CELF2: variants seen among roughly 807,000 people sequenced by gnomAD.
CELF2 encodes the protein CUG triplet repeat RNA-binding protein 2.
In CELF2, 8 loss-of-function variants were observed where a neutral mutation model predicts 62.6. The observed-to-expected ratio is 0.13, with a 90% confidence interval of 0.07 to 0.23. The LOEUF is 0.23. Ranked by LOEUF, CELF2 falls within the 10% of genes least tolerant of loss-of-function variation. The probability of loss-of-function intolerance (pLI) is 1.00; values close to 1 mark genes in which losing one functional copy is unlikely to be tolerated. For missense variants in CELF2, 333 were observed against 671.0 expected, an observed-to-expected ratio of 0.50 and a Z score of 5.56; for synonymous variants, 258 against 250.0, an observed-to-expected ratio of 1.03 and a Z score of -0.30.
At chr10:10,587,946 A>C in the CELF2 span, among the ~76,000 whole-genome samples, 1 of 152,156 alleles carries the variant, frequency 6.6e-6, no homozygotes, top group Non-Finnish European at 1.5e-5. Context: ...TTCCAGCCCA[A>C]GCACATGTTA....
the CELF2 span, among the ~76,000 whole-genome samples, chr10:10,773,389 C>T: frequency 6.6e-6 from 1 of 152,178 alleles, no homozygotes; most frequent in African/African-American, 2.4e-5. Context: ...CCTTTTGCTT[C>T]ATGTTGTGAT....
At chr10:10,536,484 T>C in the CELF2 span, among the ~76,000 whole-genome samples, 52 of 152,364 alleles carry the variant, frequency 3.4e-4, no homozygotes, top group South Asian at 1.2e-3. Flanking sequence ...TTAAGTGAAG[T>C]GTTCCTCACG....
chr10:11,016,819 A>G (rs1300664876), upstream of CELF2, among the ~76,000 whole-genome samples: 1 of 152,256 alleles, frequency 6.6e-6, no homozygotes, highest in Non-Finnish European at 1.5e-5. This position sits in a 1 kb window ranked among gnomAD's most constrained non-coding sequence, Gnocchi z 5.2. Flanking sequence ...GTATAGGTAT[A>G]TGGATGTATA....
intron 1 of CELF2, among the ~76,000 whole-genome samples, chr10:10,812,397 G>A (rs1019448609): frequency 6.6e-6 from 1 of 152,118 alleles, no homozygotes; most frequent in African/African-American, 2.4e-5. Context: ...AGCTACAATT[G>A]AAGATGAGAT....
chr10:10,957,373 C>T lies in CELF2; in HGVS notation c.89+37374C>T, dbSNP rs144815695. 2.0e-5 allele frequency among the ~76,000 whole-genome samples: 3 copies of T among 152,108 alleles called. No individual in the cohort carries two copies. The highest frequency in any genetic ancestry group is 4.4e-5 in the Non-Finnish European group (3 of 68,028). On this transcript the variant is annotated intron_variant, in intron 2 of 13. Transcript: ENST00000636488. This position sits in a 1 kb window ranked among gnomAD's most constrained non-coding sequence, Gnocchi z 4.1. ...GTCTCCTCTGGGATTCATTCGCTCT[C>T]GCTGAAGGATGATCTCAGATGCCTT...
At chr10:11,226,188 C>G (rs2066473326) in intron 3 of CELF2, among the ~76,000 whole-genome samples, 1 of 152,230 alleles carries the variant, frequency 6.6e-6, no homozygotes. Context: ...TTAATTTTCA[C>G]AACTCCACAG....
intron 1 of CELF2, among the ~76,000 whole-genome samples, chr10:11,087,635 T>A (rs111403911): frequency 4.6e-5 from 7 of 152,362 alleles, no homozygotes; most frequent in African/African-American, 1.7e-4. Flanking sequence ...ATGACAGGAT[T>A]TGACTCCATA....
rs2054751757 is a variant in CELF2, at chr10:11,110,171, T to A, written c.75-55315T>A. ...AGCTACTTGGGGAGGGGAGAGCAGC[T>A]GCTGAGGCAGGAGGATCACTTGAGC... On this transcript the variant is annotated intron_variant, in intron 1 of 12. Transcript: ENST00000633077. This position sits in a 1 kb window ranked among gnomAD's most constrained non-coding sequence, Gnocchi z 4.0. 6.6e-6 allele frequency among the ~76,000 whole-genome samples: 1 copy of A among 151,896 alleles called. No individual in the cohort carries two copies. The highest frequency in any genetic ancestry group is 1.5e-5 in the Non-Finnish European group (1 of 67,974).
At chr10:10,792,220 A>G in the CELF2 span, among the ~76,000 whole-genome samples, 2 of 152,216 alleles carry the variant, frequency 1.3e-5, no homozygotes, top group Non-Finnish European at 2.9e-5. Flanking sequence ...TAATCAATCA[A>G]TATTTGTGTG....
In CELF2 at chr10:11,306,005, C is replaced by T. The variant is rs2094178165; in HGVS notation, c.977-8134C>T. ...AAAACCATGGCCATCCTTGCCTGCTCAACCATTCTCTTTCCTGGCACGCCA... is the reference window on the plus strand; with the variant it reads ...AAAACCATGGCCATCCTTGCCTGCTTAACCATTCTCTTTCCTGGCACGCCA... On this transcript the variant is annotated intron_variant, in intron 9 of 12. Coordinates refer to ENST00000633077, the MANE Select transcript of CELF2 (RefSeq NM_001326342.2). This position sits in a 1 kb window ranked among gnomAD's most constrained non-coding sequence, Gnocchi z 4.4. 6.7e-6 allele frequency among the ~76,000 whole-genome samples: 1 copy of T among 149,904 alleles called. No individual in the cohort carries two copies. Among genetic ancestry groups the T allele is most frequent in the African/African-American group, 2.5e-5 (1 of 39,668 alleles).
chr10:10,696,844 C>T, the CELF2 span, among the ~76,000 whole-genome samples: 1,277 of 152,280 alleles, frequency 8.4e-3, 7 homozygotes, highest in African/African-American at 0.011. Context: ...CTTCGGCTAG[C>T]GCACGGTGCG....
intron 1 of CELF2, among the ~76,000 whole-genome samples, chr10:10,809,048 G>C (rs1009684044): frequency 6.6e-6 from 1 of 152,198 alleles, no homozygotes; most frequent in Non-Finnish European, 1.5e-5. Flanking sequence ...GGTGGTATTT[G>C]GAGATGAGGC....
chr10:10,818,541 A>G (rs1314138155), intron 1 of CELF2, among the ~76,000 whole-genome samples: 2 of 128,216 alleles, frequency 1.6e-5, no homozygotes, highest in Admixed American at 8.8e-5. Flanking sequence ...AGCATTAAAT[A>G]TTTCCTTTTT....
the CELF2 span, among the ~76,000 whole-genome samples, chr10:10,681,946 C>A: frequency 1.3e-5 from 2 of 152,310 alleles, no homozygotes; most frequent in South Asian, 2.1e-4. Flanking sequence ...TTGACCCAAA[C>A]AACTGGCTAA....
the CELF2 span, among the ~76,000 whole-genome samples, chr10:10,575,967 G>C: frequency 1.3e-5 from 2 of 152,180 alleles, no homozygotes; most frequent in African/African-American, 4.8e-5. Flanking sequence ...TCATATCAAA[G>C]TAGATTTTAA....
intron 2 of CELF2, among the ~76,000 whole-genome samples, chr10:10,927,581 G>A (rs926966691): frequency 1.3e-5 from 2 of 151,922 alleles, no homozygotes; most frequent in African/African-American, 4.8e-5. Flanking sequence ...GTGTACATCA[G>A]CACACTGGGC....
chr10:11,326,325 C>T (rs72775892), intron 12 of CELF2, among the ~76,000 whole-genome samples: 5,468 of 152,316 alleles, frequency 0.036, 143 homozygotes, highest in Non-Finnish European at 0.055. Context: ...TTGACATACA[C>T]GCACACAAAG....
At chr10:11,183,871 G>C (rs2074152948) in intron 2 of CELF2, among the ~76,000 whole-genome samples, 2 of 152,100 alleles carry the variant, frequency 1.3e-5, no homozygotes, top group Admixed American at 1.3e-4. Flanking sequence ...CTGCTAGTTT[G>C]TTTCTTGTTA....
At chr10:10,758,111 A>G in the CELF2 span, among the ~76,000 whole-genome samples, 1 of 152,236 alleles carries the variant, frequency 6.6e-6, no homozygotes, top group Non-Finnish European at 1.5e-5. Flanking sequence ...AGCAGAAATA[A>G]TATCTCTGTG....
Sources: allele counts gnomAD v4.1 joint callset (sites outside exome capture counted in the v4.1 genomes callset), GRCh38; gene constraint gnomAD v4.1.1; non-coding constraint Gnocchi (gnomAD v3.1); transcripts MANE v1.5; gene names NCBI Gene and HGNC (gene_info 2026-07-23, HGNC 2026-07-21).